The following CAMK1D variants were observed in gnomAD, a reference collection of about 807,000 sequenced individuals.
The protein encoded by CAMK1D is calcium/calmodulin-dependent protein kinase type 1D.
In CAMK1D, 9 loss-of-function variants were observed where a neutral mutation model predicts 47.7. The ratio of observed to expected loss-of-function variants is 0.19; its 90% CI spans 0.11 to 0.33. The LOEUF is 0.33. CAMK1D is among the 10% of genes least tolerant of loss of function. CAMK1D has a pLI of 1.00. For missense variants in CAMK1D, 291 were observed against 488.7 expected (o/e 0.60, Z 3.81); for synonymous variants, 184 against 184.9 (o/e 0.99, Z 0.04).
intron 2 of CAMK1D, among the ~76,000 whole-genome samples, chr10:12,644,361 G>A (rs1371136843): frequency 6.6e-6 from 1 of 152,184 alleles, no homozygotes; most frequent in African/African-American, 2.4e-5. Flanking sequence ...TATGTTAAGT[G>A]ACTAAGCCTT....
chr10:12,480,842 T>C (rs796066264), intron 1 of CAMK1D, among the ~76,000 whole-genome samples: 2 of 152,188 alleles, frequency 1.3e-5, no homozygotes, highest in Non-Finnish European at 2.9e-5. Context: ...CGTGTAGATA[T>C]ATGAGATGCA....
At chr10:12,406,411 T>G (rs1839426520) in intron 1 of CAMK1D, among the ~76,000 whole-genome samples, 1 of 152,102 alleles carries the variant, frequency 6.6e-6, no homozygotes, top group Non-Finnish European at 1.5e-5. Flanking sequence ...TTGTTATTGT[T>G]TTTTTAATTA....
At chr10:12,656,229 C>A (rs1248007472) in intron 2 of CAMK1D, among the ~76,000 whole-genome samples, 1 of 152,168 alleles carries the variant, frequency 6.6e-6, no homozygotes, top group Admixed American at 6.5e-5. Context: ...GCTATGCCCC[C>A]ACAGTGGGTA....
intron 1 of CAMK1D, among the ~76,000 whole-genome samples, chr10:12,437,404 A>T (rs1159232089): frequency 6.6e-6 from 1 of 152,190 alleles, no homozygotes; most frequent in East Asian, 1.9e-4. Context: ...CATGTTGACC[A>T]GGCTGGTCTC....
chr10:12,827,290 T>A (rs1833251834), intron 10 of CAMK1D, among the ~76,000 whole-genome samples: 1 of 140,650 alleles, frequency 7.1e-6, no homozygotes, highest in Non-Finnish European at 1.5e-5. Flanking sequence ...TCTTTTTCTT[T>A]CTTTCTTTCT....
At chr10:12,561,437 C>T (rs1836940092) in intron 2 of CAMK1D, among the ~76,000 whole-genome samples, 1 of 152,094 alleles carries the variant, frequency 6.6e-6, no homozygotes, top group African/African-American at 2.4e-5. Flanking sequence ...GAAGAGTTGA[C>T]ATTGACAGGT....
Position 12,784,555 on chromosome 10 carries a change from G to A in CAMK1D, c.566-6603G>A, listed in dbSNP as rs745993175. Among the ~76,000 whole-genome samples the A allele has an allele frequency of 6.8e-4, 103 of 151,996 alleles. 1 individual carries two copies. The highest frequency in any genetic ancestry group is 6.5e-3 in the Admixed American group (100 of 15,290). ...TGACAAGCACATTCACACACTGAGAGTTAGGGTGAATTCTGCCTCTTTTCT... is the reference window on the plus strand; with the variant it reads ...TGACAAGCACATTCACACACTGAGAATTAGGGTGAATTCTGCCTCTTTTCT... On this transcript the variant is annotated intron_variant, in intron 5 of 10. Coordinates refer to ENST00000619168, the MANE Select transcript of CAMK1D (RefSeq NM_153498.4).
chr10:12,536,757 G>A lies in CAMK1D; in HGVS notation c.93-16468G>A, dbSNP rs1046083180. On this transcript the variant is annotated intron_variant, in intron 1 of 10. Coordinates refer to ENST00000619168, the MANE Select transcript of CAMK1D (RefSeq NM_153498.4). The stretch of plus-strand genomic sequence containing the variant: ...TTGTGTTTTACAGATTGATATAAAC[G>A]GAAGAAATACTGTATCTTTTGGTAA... Among the ~76,000 whole-genome samples the A allele has an allele frequency of 5.3e-5, 8 of 152,258 alleles. 1 individual carries two copies. The East Asian group carries it at 7.7e-4, about 15-fold the overall frequency.
At chr10:12,606,880 T>G (rs1308220112) in intron 2 of CAMK1D, among the ~76,000 whole-genome samples, 1 of 152,094 alleles carries the variant, frequency 6.6e-6, no homozygotes. Flanking sequence ...CGGGCTGGAG[T>G]GCCGTGGCGC....
At chr10:12,600,216 G>A (rs1424416039) in intron 2 of CAMK1D, among the ~76,000 whole-genome samples, 1 of 152,214 alleles carries the variant, frequency 6.6e-6, no homozygotes, top group African/African-American at 2.4e-5. Context: ...GATACTCAAG[G>A]ATATTTGACT....
rs56657709 is a variant in CAMK1D, at chr10:12,764,381, C to CAAAAA, written c.438+3308_438+3312dup. 7.7e-5 allele frequency among the ~76,000 whole-genome samples: 6 copies of CAAAAA among 77,968 alleles called. 2 individuals are homozygous for CAAAAA. Among genetic ancestry groups the CAAAAA allele is most frequent in the Admixed American group, 5.3e-4 (3 of 5,614 alleles). The allele number at this position is 77,968 out of a possible 152,430, so 51.2% of individuals were successfully genotyped here. A position where few individuals can be genotyped will look rare whatever the true frequency, so the allele number is the denominator to read the frequency against. Reference sequence around the variant, plus strand: ...GGGCAACAAGAATGACACTTTGTCTCAAAAAAAAAAAAAAAAACATTGATC... The same window carrying CAAAAA: ...GGGCAACAAGAATGACACTTTGTCTCAAAAAAAAAAAAAAAAAAAAAACATTGATC... On this transcript the variant is annotated intron_variant, in intron 4 of 10. Transcript: ENST00000619168.
intron 1 of CAMK1D, among the ~76,000 whole-genome samples, chr10:12,494,807 G>T (rs1834489181): frequency 1.3e-5 from 2 of 152,168 alleles, no homozygotes; most frequent in South Asian, 2.1e-4. Context: ...GACCTCAGGT[G>T]ATCTGCCCAC....
rs537042308 is a variant in CAMK1D, at chr10:12,638,491, G to A, written c.225-28245G>A. 7.3e-5 allele frequency among the ~76,000 whole-genome samples: 11 copies of A among 151,378 alleles called. No homozygotes were observed. In the South Asian group the frequency reaches 1.7e-3, roughly 23 times the overall value. On this transcript the variant is annotated intron_variant, in intron 2 of 10. Transcript: ENST00000619168. ...CCTCTGCATGGAGAACTCCGTTCCC[G>A]TCACCCCTCACTCTCTTTCCTTGGA... is the stretch of plus-strand genomic sequence containing the variant.
At chr10:12,698,587 A>G (rs1833385949) in intron 3 of CAMK1D, among the ~76,000 whole-genome samples, 1 of 152,104 alleles carries the variant, frequency 6.6e-6, no homozygotes, top group South Asian at 2.1e-4. Flanking sequence ...GTTCATCCCT[A>G]AAGAACTGAG....
chr10:12,749,443 TAAAAAAAAAA>T (rs60406640), intron 3 of CAMK1D, among the ~76,000 whole-genome samples: 1 of 119,258 alleles, frequency 8.4e-6, no homozygotes, highest in Non-Finnish European at 1.7e-5. Flanking sequence ...GCTAGAAAGT[TAAAAAAAAAA>T]AAAAAAAAAA....
Position 12,815,935 on chromosome 10 carries a change from G to A in CAMK1D, c.755-315G>A, listed in dbSNP as rs140681044. On this transcript the variant is annotated intron_variant, in intron 7 of 10. Transcript: ENST00000619168. ...CTAAGGCAGTGATGGACTAATTAGA[G>A]GCACATGATAACAAAGATATTTCTT... Among the ~76,000 whole-genome samples, 753 of 152,326 alleles carry A rather than the reference G, an allele frequency of 4.9e-3. 6 individuals carry two copies. Among genetic ancestry groups the A allele is most frequent in the African/African-American group, 0.017 (717 of 41,564 alleles).
chr10:12,787,682 C>CT (rs1837791620), intron 5 of CAMK1D, among the ~76,000 whole-genome samples: 1 of 152,200 alleles, frequency 6.6e-6, no homozygotes, highest in South Asian at 2.1e-4. Context: ...TCTTTACCCC[C>CT]GCGTTTGTTT....
intron 1 of CAMK1D, among the ~76,000 whole-genome samples, chr10:12,401,957 G>T (rs181052117): frequency 6.6e-6 from 1 of 151,652 alleles, no homozygotes; most frequent in Non-Finnish European, 1.5e-5. Flanking sequence ...GTACAGTGGC[G>T]CGATCTCCGC....
At chr10:12,391,358 G>A (rs779409610) in intron 1 of CAMK1D, among the ~76,000 whole-genome samples, 8 of 152,130 alleles carry the variant, frequency 5.3e-5, no homozygotes, top group Non-Finnish European at 7.4e-5. Flanking sequence ...GGTATGACAC[G>A]TGAAGAAAAT....
Sources: allele counts gnomAD v4.1 joint callset (sites outside exome capture counted in the v4.1 genomes callset), GRCh38; gene constraint gnomAD v4.1.1; transcripts MANE v1.5; gene names NCBI Gene and HGNC (gene_info 2026-07-23, HGNC 2026-07-21).